TIAM1: variants seen among roughly 807,000 people sequenced by gnomAD.
TIAM1 encodes the protein TIAM Rac1 associated GEF 1, also known as rho guanine nucleotide exchange factor TIAM1.
In TIAM1, 65 loss-of-function variants were observed where a neutral mutation model predicts 163.5. The ratio of observed to expected loss-of-function variants is 0.40; its 90% CI spans 0.33 to 0.49. The LOEUF is 0.49. Among genes scored for constraint, TIAM1 ranks in the 20% least tolerant of loss-of-function variants. The pLI is 0.77. For synonymous variants in TIAM1, 833 were observed against 810.1 expected, an observed-to-expected ratio of 1.03 and a Z score of -0.48; for missense variants, 1,789 against 2,044.7, an observed-to-expected ratio of 0.87 and a Z score of 2.41.
Position 31,120,804 on chromosome 21 carries a change from C to T in TIAM1, c.4340G>A (p.Arg1447Lys). The change falls in exon 28 of 28, where the codon AGG (arginine) becomes AAG (lysine). Residue 1447 changes from arginine to lysine, a missense_variant. This residue lies in a region of TIAM1 where 415 missense variants were observed against 439.2 expected (regional missense o/e 0.94). Transcript: ENST00000541036. The surrounding 1 kb of genome is among the most constrained non-coding windows in gnomAD (Gnocchi z 4.2). ...SAPSKSLGRR[R>K]RRLARNRFTI... is the part of the protein sequence containing the mutation. Reference sequence around the variant, plus strand: ...AAACCTGTTTCGAGCCAGCCGCCGCCTCCTCCTCCCAAGAGACTTGCTTGG... The same window carrying T: ...AAACCTGTTTCGAGCCAGCCGCCGCTTCCTCCTCCCAAGAGACTTGCTTGG... The T allele has an allele frequency of 6.2e-7, 1 of 1,613,366 alleles. No individual in the cohort carries two copies. The highest frequency in any genetic ancestry group is 8.5e-7 in the Non-Finnish European group (1 of 1,179,770).
chr21:31,411,227 A>AAAT (rs1204865225), intron 2 of TIAM1, among the ~76,000 whole-genome samples: 1 of 152,196 alleles, frequency 6.6e-6, no homozygotes, highest in Non-Finnish European at 1.5e-5. Flanking sequence ...CTTGAACTTA[A>AAAT]AATAATAATA....
At chr21:31,196,129 A>G (rs1201164596) in intron 12 of TIAM1, among the ~76,000 whole-genome samples, 2 of 152,210 alleles carry the variant, frequency 1.3e-5, no homozygotes, top group Non-Finnish European at 2.9e-5. Flanking sequence ...TTCTCAAGAT[A>G]AGACATATAT....
At chr21:31,189,008 A>G (rs963713813) in intron 13 of TIAM1, among the ~76,000 whole-genome samples, 1 of 143,976 alleles carries the variant, frequency 6.9e-6, no homozygotes, top group African/African-American at 2.5e-5. Flanking sequence ...AGATGGAGAC[A>G]TGGAGACACC....
chr21:31,479,582 G>C (rs2046046220), intron 1 of TIAM1, among the ~76,000 whole-genome samples: 1 of 152,118 alleles, frequency 6.6e-6, no homozygotes, highest in South Asian at 2.1e-4. Context: ...CATGCTGATA[G>C]CTTGGAATTG....
chr21:31,315,388 G>A (rs889890629), intron 2 of TIAM1, among the ~76,000 whole-genome samples: 4 of 151,974 alleles, frequency 2.6e-5, no homozygotes, highest in Admixed American at 2.0e-4. Flanking sequence ...GGTGGCGGGC[G>A]CCTGTAGTCC....
At chr21:31,543,472 C>G (rs1305564938) in intron 1 of TIAM1, among the ~76,000 whole-genome samples, 2 of 151,622 alleles carry the variant, frequency 1.3e-5, no homozygotes, top group East Asian at 3.9e-4. Context: ...TGGCAAGTGT[C>G]CACAGAGACC....
At position 31,394,728 on chromosome 21, in the gene TIAM1, T is replaced by TCACACACA. The variant is rs71318270; in HGVS notation, c.-368-55314_-368-55307dup. ...CTCTCGCTCTCTCTCTCTCTCTCTCTCACACACACACACACACACACACAC... is the reference window on the plus strand; with the variant it reads ...CTCTCGCTCTCTCTCTCTCTCTCTCTCACACACACACACACACACACACACACACACAC... On this transcript the variant is annotated intron_variant, in intron 2 of 28. Coordinates refer to the TIAM1 transcript ENST00000286827. Among the ~76,000 whole-genome samples, 277 of 95,730 alleles carry TCACACACA rather than the reference T, an allele frequency of 2.9e-3. 3 individuals are homozygous for TCACACACA. The highest frequency in any genetic ancestry group is 0.01 in the East Asian group (34 of 3,296). 62.8% of individuals were successfully genotyped at this position (95,730 alleles called of 152,430 possible). A position where few individuals can be genotyped will look rare whatever the true frequency, so the allele number is the denominator to read the frequency against.
In TIAM1 at chr21:31,197,539, C is replaced by CTTTTT. The variant is rs58141765; in HGVS notation, c.2494-2239_2494-2235dup. Among the ~76,000 whole-genome samples the CTTTTT allele has an allele frequency of 2.7e-4, 33 of 123,240 alleles. No homozygotes were observed. In the East Asian group the frequency reaches 2.7e-3, roughly 10 times the overall value. The allele number at this position is 123,240 out of a possible 152,430, so 80.9% of individuals were successfully genotyped here. On this transcript the variant is annotated intron_variant, in intron 12 of 27. Transcript: ENST00000541036. ...TACAGGCGCCCGCCACCGCGCCCGGCTTTTTTTTTTTTTTTGTATTTTTAG... is the reference window on the plus strand; with the variant it reads ...TACAGGCGCCCGCCACCGCGCCCGGCTTTTTTTTTTTTTTTTTTTTGTATTTTTAG...
intron 1 of TIAM1, among the ~76,000 whole-genome samples, chr21:31,489,136 G>A (rs1317405253): frequency 6.9e-6 from 1 of 144,282 alleles, no homozygotes. Context: ...TTGGGAGGCT[G>A]AGGCAGGAGG....
At chr21:31,278,749 C>G (rs1207614141) in intron 2 of TIAM1, among the ~76,000 whole-genome samples, 1 of 152,174 alleles carries the variant, frequency 6.6e-6, no homozygotes, top group African/African-American at 2.4e-5. Flanking sequence ...CAGCAATACC[C>G]CATTATTACC....
At chr21:31,504,317 G>A (rs141994389) in intron 1 of TIAM1, among the ~76,000 whole-genome samples, 3 of 152,192 alleles carry the variant, frequency 2.0e-5, no homozygotes, top group Non-Finnish European at 4.4e-5. Flanking sequence ...AGAAGAGGGG[G>A]CATGGCCGCT....
Position 31,266,391 on chromosome 21 carries a change from T to C in TIAM1, c.582A>G (p.Thr194=). Reference sequence around the variant, plus strand: ...CGGAACCCAAGATTTCTTCGTTGCTTGTTAAATGTTCTTGGCTCAGATCAG... The same window carrying C: ...CGGAACCCAAGATTTCTTCGTTGCTCGTTAAATGTTCTTGGCTCAGATCAG... ...SLSDLSQEHL[T]SNEEILGSAE... is the part of the protein sequence containing the mutation. Residue 194 remains threonine (T), a synonymous_variant, in exon 4 of 28, where the codon ACA becomes ACG. Transcript: ENST00000541036. 1.2e-6 allele frequency: 2 copies of C among 1,614,226 alleles called. No individual in the cohort carries two copies. Among genetic ancestry groups the C allele is most frequent in the Non-Finnish European group, 1.7e-6 (2 of 1,180,036 alleles).
chr21:31,400,473 C>G (rs892327562), intron 2 of TIAM1, among the ~76,000 whole-genome samples: 1 of 152,096 alleles, frequency 6.6e-6, no homozygotes, highest in African/African-American at 2.4e-5. Context: ...AGTGGCAGCA[C>G]ATGCTGAAAT....
intron 1 of TIAM1, among the ~76,000 whole-genome samples, chr21:31,501,280 C>T (rs2046839387): frequency 6.6e-6 from 1 of 152,174 alleles, no homozygotes; most frequent in Non-Finnish European, 1.5e-5. Flanking sequence ...CTTACCAATG[C>T]TGCTCAGTTA....
At chr21:31,362,633 A>C (rs894704302) in intron 2 of TIAM1, among the ~76,000 whole-genome samples, 1 of 151,536 alleles carries the variant, frequency 6.6e-6, no homozygotes, top group African/African-American at 2.4e-5. Flanking sequence ...CACCCGGCTA[A>C]TTTTTGTATT....
chr21:31,368,638 AGGCT>A (rs1220699330), intron 2 of TIAM1, among the ~76,000 whole-genome samples: 2 of 152,226 alleles, frequency 1.3e-5, no homozygotes, highest in African/African-American at 2.4e-5. Flanking sequence ...AGGCAGGCAT[AGGCT>A]GACAAGACTT....
chr21:31,329,350 G>A (rs1426815287), intron 2 of TIAM1, among the ~76,000 whole-genome samples: 1 of 152,210 alleles, frequency 6.6e-6, no homozygotes, highest in Non-Finnish European at 1.5e-5. Context: ...AAACGCTGAG[G>A]TCGGCTCCCA....
chr21:31,372,745 G>A (rs1457134858), intron 2 of TIAM1, among the ~76,000 whole-genome samples: 2 of 152,184 alleles, frequency 1.3e-5, no homozygotes, highest in Non-Finnish European at 2.9e-5. Flanking sequence ...GCCAAGGCAG[G>A]AGGATCACTT....
intron 2 of TIAM1, among the ~76,000 whole-genome samples, chr21:31,462,055 T>A (rs1349650580): frequency 6.6e-6 from 1 of 152,194 alleles, no homozygotes. Context: ...GGACGAGAAG[T>A]ATTCCTGTGT....
Sources: allele counts gnomAD v4.1 joint callset (sites outside exome capture counted in the v4.1 genomes callset), GRCh38; gene constraint gnomAD v4.1.1; regional missense constraint gnomAD v4.1.1; non-coding constraint Gnocchi (gnomAD v3.1); transcripts MANE v1.5; gene names NCBI Gene and HGNC (gene_info 2026-07-23, HGNC 2026-07-21).